The following PCDH9 variants were observed in gnomAD, a reference collection of about 807,000 sequenced individuals.
PCDH9 encodes the protein protocadherin-9.
In PCDH9, 24 loss-of-function variants were observed where a neutral mutation model predicts 70.6. That is an observed-to-expected ratio of 0.34 (90% confidence interval 0.25 to 0.48). The LOEUF (loss-of-function observed/expected upper bound fraction) is 0.48, where lower values mean the gene tolerates loss of function less well. Ranked by LOEUF, PCDH9 falls within the 20% of genes least tolerant of loss-of-function variation. The pLI is 0.99. For synonymous variants in PCDH9, 562 were observed against 558.5 expected, an observed-to-expected ratio of 1.01 and a Z score of -0.09; for missense variants, 1,281 against 1,503.6, an observed-to-expected ratio of 0.85 and a Z score of 2.45.
At chr13:66,705,648 CAT>C (rs1430136094) in intron 3 of PCDH9, among the ~76,000 whole-genome samples, 1 of 152,126 alleles carries the variant, frequency 6.6e-6, no homozygotes, top group African/African-American at 2.4e-5. Context: ...GAAAATGTCA[CAT>C]AAAGTGATAA....
intron 2 of PCDH9, among the ~76,000 whole-genome samples, chr13:67,075,274 A>G (rs1264288816): frequency 6.6e-6 from 1 of 152,124 alleles, no homozygotes; most frequent in African/African-American, 2.4e-5. Flanking sequence ...CAGGATTATT[A>G]TTCTTATTGA....
intron 2 of PCDH9, among the ~76,000 whole-genome samples, chr13:67,181,084 A>G (rs1490978167): frequency 6.6e-6 from 1 of 152,148 alleles, no homozygotes. Flanking sequence ...GAACCCAGAG[A>G]CAATCAGCTT....
At chr13:66,729,864 C>A (rs555239356) in intron 3 of PCDH9, among the ~76,000 whole-genome samples, 1 of 152,162 alleles carries the variant, frequency 6.6e-6, no homozygotes, top group Admixed American at 6.5e-5. Context: ...TCACAATGTG[C>A]TAAGTCAGAC....
At chr13:66,676,339 G>A (rs1014028118) in intron 3 of PCDH9, among the ~76,000 whole-genome samples, 1 of 152,012 alleles carries the variant, frequency 6.6e-6, no homozygotes, top group Non-Finnish European at 1.5e-5. Flanking sequence ...ACAGTCCAAA[G>A]TAAATATCAC....
At chr13:66,691,196 C>T (rs2078479917) in intron 3 of PCDH9, among the ~76,000 whole-genome samples, 1 of 152,058 alleles carries the variant, frequency 6.6e-6, no homozygotes, top group African/African-American at 2.4e-5. Flanking sequence ...GCCACCATGC[C>T]TAGCTAATTT....
At chr13:66,547,338 C>A (rs1961252172) in intron 4 of PCDH9, among the ~76,000 whole-genome samples, 1 of 152,128 alleles carries the variant, frequency 6.6e-6, no homozygotes, top group Non-Finnish European at 1.5e-5. Context: ...AAAACAGTAT[C>A]CTTAATATTC....
intron 4 of PCDH9, among the ~76,000 whole-genome samples, chr13:66,354,917 G>A (rs1356855195): frequency 3.3e-5 from 5 of 151,932 alleles, no homozygotes; most frequent in Non-Finnish European, 5.9e-5. Flanking sequence ...TGTATTTTTC[G>A]AACCTTCATG....
intron 2 of PCDH9, among the ~76,000 whole-genome samples, chr13:66,987,629 T>C (rs902423594): frequency 5.9e-5 from 9 of 152,168 alleles, no homozygotes; most frequent in African/African-American, 1.9e-4. Flanking sequence ...GACTCTATAT[T>C]ATGAAGAATT....
chr13:67,022,969 T>C (rs2084708277), intron 2 of PCDH9, among the ~76,000 whole-genome samples: 1 of 152,206 alleles, frequency 6.6e-6, no homozygotes, highest in Non-Finnish European at 1.5e-5. Flanking sequence ...TACAGGTCTT[T>C]GCCTATTGAT....
chr13:66,924,417 G>A (rs9564361), intron 2 of PCDH9, among the ~76,000 whole-genome samples: 28,085 of 151,578 alleles, frequency 0.19, 2,797 homozygotes, highest in East Asian at 0.35. Context: ...TAAAAATATA[G>A]TGTCTGTACT....
intron 2 of PCDH9, among the ~76,000 whole-genome samples, chr13:66,997,140 T>C (rs965562488): frequency 6.6e-6 from 1 of 152,198 alleles, no homozygotes; most frequent in African/African-American, 2.4e-5. Context: ...ATTTAGGAAG[T>C]GTGTTCGTTC....
rs563125741 is a variant in PCDH9 at position 66,710,170 on chromosome 13, T to G, written c.3139-78759A>C. Among the ~76,000 whole-genome samples the G allele has an allele frequency of 1.1e-3, 173 of 152,256 alleles. 2 individuals are homozygous for G. Among genetic ancestry groups the G allele is most frequent in the South Asian group, 3.9e-3 (19 of 4,824 alleles). ...AAATCTGACTCATTTAACATACAAC[T>G]AGAACTAGAATAAGTTTTATTTTTC... is the stretch of plus-strand genomic sequence containing the variant. On this transcript the variant is annotated intron_variant, in intron 3 of 4. Transcript: ENST00000377865.
At position 66,713,462 on chromosome 13, in the gene PCDH9, T is replaced by C. The variant is rs1396767298; in HGVS notation, c.3139-82051A>G. 3.3e-5 allele frequency among the ~76,000 whole-genome samples: 5 copies of C among 151,272 alleles called. 1 individual carries two copies. Among genetic ancestry groups the C allele is most frequent in the East Asian group, 1.9e-4 (1 of 5,170 alleles). ...CTCATTCTCTACTTCAAAGCTTCAC[T>C]CTCTCTCCCAACAAAAGAGATGATT... On this transcript the variant is annotated intron_variant, in intron 3 of 4. Transcript: ENST00000377865.
intron 3 of PCDH9, among the ~76,000 whole-genome samples, chr13:66,712,512 TA>T (rs920361404): frequency 6.6e-5 from 10 of 152,018 alleles, no homozygotes; most frequent in African/African-American, 2.2e-4. Context: ...TGAGAAAATT[TA>T]AAAAAAACTA....
chr13:67,119,168 G>T (rs2086832970), intron 2 of PCDH9, among the ~76,000 whole-genome samples: 1 of 152,034 alleles, frequency 6.6e-6, no homozygotes, highest in African/African-American at 2.4e-5. Context: ...ATGTTTAGAA[G>T]TTTTTTTCTT....
rs571391758 is a variant in PCDH9, at chr13:67,125,831, G to GTATA, written c.3036+99570_3036+99573dup. Among the ~76,000 whole-genome samples, 656 of 147,028 alleles carry GTATA rather than the reference G, an allele frequency of 4.5e-3. 5 individuals are homozygous for GTATA. Among genetic ancestry groups the GTATA allele is most frequent in the African/African-American group, 0.015 (604 of 40,662 alleles). ...TGGTATAATTAATTTAAAAATGTGT[G>GTATA]TATATATATATGTGTGTGTGTGTGT... On this transcript the variant is annotated intron_variant, in intron 2 of 4. Transcript: ENST00000377865.
intron 3 of PCDH9, among the ~76,000 whole-genome samples, chr13:66,846,954 T>C (rs2081222739): frequency 6.6e-6 from 1 of 151,698 alleles, no homozygotes; most frequent in South Asian, 2.1e-4. Context: ...TCCTGATAAA[T>C]AAGATAACTT....
chr13:66,742,052 A>G, intron 3 of PCDH9, among the ~76,000 whole-genome samples: 1 of 91,050 alleles, frequency 1.1e-5, no homozygotes. Flanking sequence ...CTAAGCCAAA[A>G]GAACAAAGCT....
At chr13:66,955,855 G>T (rs2083258626) in intron 2 of PCDH9, among the ~76,000 whole-genome samples, 1 of 152,130 alleles carries the variant, frequency 6.6e-6, no homozygotes, top group African/African-American at 2.4e-5. Context: ...AGGGCTGTTG[G>T]TCAGGTGTGG....
Sources: gnomAD v4.1 joint callset for allele counts (sites outside exome capture counted in the v4.1 genomes callset) on GRCh38, gnomAD v4.1.1 for gene constraint, MANE v1.5 for transcripts, NCBI Gene and HGNC (gene_info 2026-07-23, HGNC 2026-07-21) for gene names.